Variants in RASGEF1C observed in about 807,000 individuals in gnomAD.
RASGEF1C encodes ras-GEF domain-containing family member 1C.
A neutral mutation model predicts 58.1 loss-of-function variants in RASGEF1C; 27 were observed. The observed-to-expected ratio is 0.46, with a 90% CI of 0.34 to 0.64. The LOEUF (loss-of-function observed/expected upper bound fraction) is 0.64. Among genes scored for constraint, RASGEF1C ranks in the 30% least tolerant of loss-of-function variants. RASGEF1C has a pLI of 0.01. For missense variants in RASGEF1C, 502 were observed against 605.1 expected, an observed-to-expected ratio of 0.83 and a Z score of 1.79; for synonymous variants, 243 against 246.3, an observed-to-expected ratio of 0.99 and a Z score of 0.13.
At chr5:180,207,940 C>A (rs989139106) in intron 1 of RASGEF1C, among the ~76,000 whole-genome samples, 4 of 152,224 alleles carry the variant, frequency 2.6e-5, no homozygotes, top group African/African-American at 9.6e-5. Context: ...AAGATCTTGG[C>A]CATGTCCTTG....
intron 12 of RASGEF1C, among the ~76,000 whole-genome samples, chr5:180,108,933 C>T (rs1765911658): frequency 6.6e-6 from 1 of 152,162 alleles, no homozygotes; most frequent in Non-Finnish European, 1.5e-5. Flanking sequence ...CCCTCTCTAA[C>T]GGGGCTCCAG....
intron 1 of RASGEF1C, among the ~76,000 whole-genome samples, chr5:180,152,557 C>T (rs1232440268): frequency 4.8e-4 from 47 of 98,860 alleles, no homozygotes; most frequent in African/African-American, 2.0e-3. Flanking sequence ...ACACCGGGGC[C>T]TGTTGTGGGG....
intron 7 of RASGEF1C, among the ~76,000 whole-genome samples, chr5:180,120,232 C>G (rs1034114478): frequency 1.3e-5 from 2 of 152,254 alleles, no homozygotes; most frequent in Admixed American, 6.5e-5. Context: ...GTCTTGGCCA[C>G]AGAGAGCTGC....
At chr5:180,167,726 C>T (rs1174248030) in intron 1 of RASGEF1C, among the ~76,000 whole-genome samples, 1 of 152,216 alleles carries the variant, frequency 6.6e-6, no homozygotes, top group African/African-American at 2.4e-5. Context: ...TATCTATCTG[C>T]TCATTATCTT....
intron 3 of RASGEF1C, among the ~76,000 whole-genome samples, chr5:180,136,971 AAAGGGT>A: frequency 6.6e-6 from 1 of 152,134 alleles, no homozygotes; most frequent in Non-Finnish European, 1.5e-5. Flanking sequence ...ACGTGACCGG[AAAGGGT>A]GGTAGGTGAG....
intron 1 of RASGEF1C, among the ~76,000 whole-genome samples, chr5:180,174,584 G>A (rs527913841): frequency 1.4e-4 from 20 of 143,716 alleles, no homozygotes; most frequent in East Asian, 1.2e-3. Context: ...CTGTGTGTGC[G>A]CACGTGTGTG....
chr5:180,143,809 G>C lies in RASGEF1C; in HGVS notation c.-6-5751C>G, dbSNP rs1244390977. Among the ~76,000 whole-genome samples the C allele has an allele frequency of 1.3e-5, 2 of 152,176 alleles. No homozygotes were observed. Among genetic ancestry groups the C allele is most frequent in the South Asian group, 2.1e-4 (1 of 4,828 alleles). ...CTGGGGTCCCCACATCCCTCAGCAT[G>C]GGTGGCTGGCATTAAACATCTGCAA... is the stretch of plus-strand genomic sequence containing the variant. On this transcript the variant is annotated intron_variant, in intron 1 of 13. Transcript: ENST00000361132. The surrounding 1 kb of genome is among the most constrained non-coding windows in gnomAD (Gnocchi z 4.3).
intron 1 of RASGEF1C, among the ~76,000 whole-genome samples, chr5:180,193,109 G>A (rs570405629): frequency 5.4e-5 from 8 of 148,914 alleles, no homozygotes; most frequent in Non-Finnish European, 1.0e-4. Context: ...AGGCCAGAGT[G>A]CAGTGGCGCG....
At position 180,137,915 on chromosome 5, in the gene RASGEF1C, C is replaced by T; in HGVS notation, c.138G>A (p.Leu46=). Reference sequence around the variant, plus strand: ...CGGCTGTGGGCACCAGGTGCTGGATCAGTGTTTCCAGGGAGGCTGAGGATG... The same window carrying T: ...CGGCTGTGGGCACCAGGTGCTGGATTAGTGTTTCCAGGGAGGCTGAGGATG... ...GAPSSASLET[L]IQHLVPTADY... The change falls in exon 2 of 14, where the codon CTG becomes CTA. Residue 46 remains leucine, a synonymous_variant. Transcript: ENST00000361132. This position sits in a 1 kb window ranked among gnomAD's most constrained non-coding sequence, Gnocchi z 4.1. 5.0e-6 allele frequency: 8 copies of T among 1,613,330 alleles called. No individual in the cohort carries two copies. Among genetic ancestry groups the T allele is most frequent in the Non-Finnish European group, 6.8e-6 (8 of 1,179,864 alleles).
intron 6 of RASGEF1C, among the ~76,000 whole-genome samples, chr5:180,126,537 T>C (rs1310637500): frequency 1.3e-5 from 2 of 152,186 alleles, no homozygotes; most frequent in Non-Finnish European, 2.9e-5. Flanking sequence ...TGTTACCCTC[T>C]TTTTTTGTTA....
chr5:180,115,899 G>T (rs961584925), intron 10 of RASGEF1C, among the ~76,000 whole-genome samples: 2 of 152,148 alleles, frequency 1.3e-5, no homozygotes, highest in Admixed American at 6.5e-5. Flanking sequence ...CTGTGTCTGT[G>T]CCCTCCCTCA....
At chr5:180,204,616 CTCTATCTATCTATCTATCTA>C (rs56101660) in intron 1 of RASGEF1C, among the ~76,000 whole-genome samples, 7 of 149,114 alleles carry the variant, frequency 4.7e-5, no homozygotes, top group Non-Finnish European at 7.4e-5. Flanking sequence ...ATGGATATTC[CTCTATCTATCTATCTATCTA>C]TCTATCTATC....
intron 1 of RASGEF1C, among the ~76,000 whole-genome samples, chr5:180,175,374 C>T (rs1014382973): frequency 3.3e-5 from 5 of 152,214 alleles, no homozygotes; most frequent in African/African-American, 1.2e-4. Context: ...CCTGAGCAGC[C>T]CTGCTGCTCT....
rs1012830419 is a variant in RASGEF1C, at chr5:180,133,325, C to T, written c.438+3053G>A. Among the ~76,000 whole-genome samples the T allele has an allele frequency of 2.0e-4, 31 of 152,300 alleles. 1 individual carries two copies. Among genetic ancestry groups the T allele is most frequent in the African/African-American group, 7.2e-4 (30 of 41,558 alleles). On this transcript the variant is annotated intron_variant, in intron 4 of 13. Coordinates refer to ENST00000361132, the MANE Select transcript of RASGEF1C (RefSeq NM_175062.4). ...TGCCGAGAGCTGGTGTGGAGCACAG[C>T]GACGACATGGGAGTGGGCGGGGGAA...
intron 1 of RASGEF1C, among the ~76,000 whole-genome samples, chr5:180,208,288 A>G (rs1010618436): frequency 6.6e-6 from 1 of 151,942 alleles, no homozygotes; most frequent in Non-Finnish European, 1.5e-5. Flanking sequence ...GAGGCAGGAG[A>G]TACGGGCCCG....
intron 1 of RASGEF1C, among the ~76,000 whole-genome samples, chr5:180,164,983 C>T (rs895609452): frequency 6.6e-6 from 1 of 152,182 alleles, no homozygotes; most frequent in Non-Finnish European, 1.5e-5. Context: ...GTTATGTTCT[C>T]TTTGTAAATG....
At position 180,113,106 on chromosome 5, in the gene RASGEF1C, C is replaced by T. The variant is rs192964858; in HGVS notation, c.1179+1340G>A. Among the ~76,000 whole-genome samples the T allele has an allele frequency of 7.4e-3, 741 of 99,810 alleles. 55 individuals are homozygous for T. Among genetic ancestry groups the T allele is most frequent in the South Asian group, 0.011 (25 of 2,362 alleles). 65.5% of individuals were successfully genotyped at this position (99,810 alleles called of 152,430 possible). Reference sequence around the variant, plus strand: ...GATGGACAGAGGGACTGGGGATGGACGGAGGGACCGGGGATGGACGGAGGG... The same window carrying T: ...GATGGACAGAGGGACTGGGGATGGATGGAGGGACCGGGGATGGACGGAGGG... On this transcript the variant is annotated intron_variant, in intron 11 of 13. Transcript: ENST00000361132.
chr5:180,145,083 A>G (rs1048051754), intron 1 of RASGEF1C, among the ~76,000 whole-genome samples: 5 of 152,046 alleles, frequency 3.3e-5, no homozygotes, highest in East Asian at 1.9e-4. Context: ...CCCCTTTACC[A>G]TACTGTTTTC....
intron 1 of RASGEF1C, among the ~76,000 whole-genome samples, chr5:180,207,060 GA>G (rs1408178454): frequency 2.0e-5 from 3 of 152,048 alleles, no homozygotes; most frequent in Admixed American, 6.5e-5. Context: ...AAGTCTAAAG[GA>G]AAAAAAGCTC....
Sources: gnomAD v4.1 joint callset for allele counts (sites outside exome capture counted in the v4.1 genomes callset) on GRCh38, gnomAD v4.1.1 for gene constraint, Gnocchi (gnomAD v3.1) non-coding constraint, MANE v1.5 for transcripts, NCBI Gene and HGNC (gene_info 2026-07-23, HGNC 2026-07-21) for gene names.